The following ABTB2 variants were observed in gnomAD, a reference collection of about 807,000 sequenced individuals.
The protein encoded by ABTB2 is ankyrin repeat and BTB domain containing 2.
ABTB2 carries 56 observed loss-of-function variants against 104.1 expected under a neutral mutation model. The observed-to-expected ratio is 0.54, with a 90% CI of 0.43 to 0.67. ABTB2 has a LOEUF of 0.67. ABTB2 is among the 30% of genes least tolerant of loss of function. The probability of loss-of-function intolerance (pLI) is 0.00; values close to 1 mark genes in which losing one functional copy is unlikely to be tolerated. For synonymous variants in ABTB2, 606 were observed against 608.2 expected, an observed-to-expected ratio of 1.00 and a Z score of 0.05; for missense variants, 1,279 against 1,407.7, an observed-to-expected ratio of 0.91 and a Z score of 1.46.
intron 1 of ABTB2, among the ~76,000 whole-genome samples, chr11:34,259,953 C>T (rs1023840755): frequency 2.6e-5 from 4 of 152,190 alleles, no homozygotes; most frequent in African/African-American, 9.6e-5. Context: ...CACAGGTGCA[C>T]ACCACCACAC....
At chr11:34,326,351 A>G (rs993753280) in intron 1 of ABTB2, among the ~76,000 whole-genome samples, 1 of 152,218 alleles carries the variant, frequency 6.6e-6, no homozygotes, top group Non-Finnish European at 1.5e-5. Context: ...AGCCAGGTAC[A>G]GTGGCTCACA....
At chr11:34,343,252 G>T in intron 1 of ABTB2, among the ~76,000 whole-genome samples, 1 of 152,118 alleles carries the variant, frequency 6.6e-6, no homozygotes, top group Non-Finnish European at 1.5e-5. Context: ...AGCTGCTGTG[G>T]CTGTGAAATG....
intron 3 of ABTB2, among the ~76,000 whole-genome samples, chr11:34,188,074 G>A (rs749147579): frequency 8.6e-5 from 13 of 151,944 alleles, no homozygotes; most frequent in Non-Finnish European, 1.3e-4. Context: ...TACCTTATTC[G>A]CCCCTCACAA....
At chr11:34,237,374 T>C (rs1853859148) in intron 1 of ABTB2, among the ~76,000 whole-genome samples, 1 of 151,102 alleles carries the variant, frequency 6.6e-6, no homozygotes, top group Admixed American at 6.6e-5. Context: ...ACCTCCCAGG[T>C]TCAAGTGATT....
Position 34,162,781 on chromosome 11 carries a change from C to T in ABTB2, c.2013G>A (p.Thr671=), listed in dbSNP as rs375797515. The T allele has an allele frequency of 1.7e-5, 27 of 1,606,174 alleles. No individual in the cohort carries two copies. In the Middle Eastern group the frequency reaches 6.6e-4, roughly 39 times the overall value. The change falls in exon 10 of 17, where the codon ACG becomes ACA. Residue 671 remains threonine, a synonymous_variant. Coordinates refer to ENST00000435224, the MANE Select transcript of ABTB2 (RefSeq NM_145804.3). ...CGTCCGCTTTAGCCTGCTGTGGCTG[C>T]GTCAGGAGCTTCCTCAGGACGTTCC... ...GHRNVLRKLL[T]QPQQAKADVL...
At chr11:34,161,102 C>T in intron 10 of ABTB2, 21 bp from the exon 11 acceptor site, 1 of 1,588,120 alleles carries the variant, frequency 6.3e-7, no homozygotes, top group Non-Finnish European at 8.6e-7. Flanking sequence ...CAGGGAAGGG[C>T]AGGCAGTCAC....
intron 13 of ABTB2, 152 bp downstream of exon 13, chr11:34,159,754 G>C (rs1590201734): frequency 1.5e-6 from 1 of 666,506 alleles, no homozygotes; most frequent in Non-Finnish European, 2.6e-6. Context: ...ATCCCGCTGT[G>C]GGGCGAGTGG....
chr11:34,301,321 TTG>T (rs1221899627), intron 1 of ABTB2, among the ~76,000 whole-genome samples: 1 of 152,116 alleles, frequency 6.6e-6, no homozygotes, highest in Non-Finnish European at 1.5e-5. Context: ...TAAAAAAAAA[TTG>T]TGTTTTCAGG....
At chr11:34,272,698 C>A (rs1458666028) in intron 1 of ABTB2, among the ~76,000 whole-genome samples, 2 of 119,206 alleles carry the variant, frequency 1.7e-5, no homozygotes, top group Non-Finnish European at 3.2e-5. Context: ...CAGAGTAAGA[C>A]TCCGTCTCAA....
intron 1 of ABTB2, among the ~76,000 whole-genome samples, chr11:34,268,338 A>G (rs1055331428): frequency 2.6e-5 from 4 of 152,210 alleles, no homozygotes; most frequent in African/African-American, 9.6e-5. Flanking sequence ...GGAATGAGGA[A>G]CACGAAGCAG....
At chr11:34,197,257 C>T (rs2133036220) in intron 3 of ABTB2, 68 bp downstream of exon 3, 1 of 1,529,426 alleles carries the variant, frequency 6.5e-7, no homozygotes, top group African/African-American at 1.4e-5. Context: ...CAGTCAGTGT[C>T]AGTCAGTCGG....
intron 1 of ABTB2, among the ~76,000 whole-genome samples, chr11:34,231,862 C>A (rs953781988): frequency 1.2e-4 from 19 of 152,148 alleles, no homozygotes; most frequent in African/African-American, 4.6e-4. Context: ...TAACCCCACA[C>A]TAGTCATGAG....
At chr11:34,247,428 GAGAT>G (rs1853999540) in intron 1 of ABTB2, among the ~76,000 whole-genome samples, 1 of 152,208 alleles carries the variant, frequency 6.6e-6, no homozygotes, top group Admixed American at 6.5e-5. Context: ...TAAGTTACAT[GAGAT>G]ATTCAACACT....
At chr11:34,326,798 GT>G (rs1180606078) in intron 1 of ABTB2, among the ~76,000 whole-genome samples, 1 of 152,140 alleles carries the variant, frequency 6.6e-6, no homozygotes, top group Non-Finnish European at 1.5e-5. Context: ...GGCTGGGTGC[GT>G]TGTCTCATGC....
chr11:34,159,757 G>A, intron 13 of ABTB2, 149 bp downstream of exon 13: 2 of 672,550 alleles, frequency 3.0e-6, no homozygotes, highest in Non-Finnish European at 5.2e-6. Context: ...CCGCTGTGGG[G>A]CGAGTGGGGC....
At chr11:34,251,170 G>C (rs995297764) in intron 1 of ABTB2, among the ~76,000 whole-genome samples, 2 of 152,226 alleles carry the variant, frequency 1.3e-5, no homozygotes, top group Non-Finnish European at 2.9e-5. Context: ...GAGGCAAGGA[G>C]AATGGCTCCT....
chr11:34,346,652 G>A (rs778374324), intron 1 of ABTB2, among the ~76,000 whole-genome samples: 1 of 152,130 alleles, frequency 6.6e-6, no homozygotes, highest in African/African-American at 2.4e-5. Context: ...TCCATGTGGG[G>A]TCTAGAAACA....
intron 1 of ABTB2, among the ~76,000 whole-genome samples, chr11:34,237,054 G>T (rs1853853527): frequency 6.6e-6 from 1 of 152,070 alleles, no homozygotes; most frequent in Non-Finnish European, 1.5e-5. Flanking sequence ...GGGGCTTTGG[G>T]GACAGAATAT....
At chr11:34,187,307 G>A (rs912826688) in intron 3 of ABTB2, among the ~76,000 whole-genome samples, 7 of 152,196 alleles carry the variant, frequency 4.6e-5, no homozygotes, top group Admixed American at 6.5e-5. Flanking sequence ...GGCCAGGGAC[G>A]TCACCAACTT....
Sources: allele counts gnomAD v4.1 joint callset (sites outside exome capture counted in the v4.1 genomes callset), GRCh38; gene constraint gnomAD v4.1.1; transcripts MANE v1.5; gene names NCBI Gene and HGNC (gene_info 2026-07-23, HGNC 2026-07-21).